Variants in PRKAG2 observed in about 807,000 individuals in gnomAD.
The protein encoded by PRKAG2 is 5'-AMP-activated protein kinase subunit gamma-2.
Under a neutral mutation model 69.6 loss-of-function variants are expected in PRKAG2, and 26 were observed. The ratio of observed to expected loss-of-function variants is 0.37; its 90% CI spans 0.27 to 0.52. PRKAG2 has a LOEUF of 0.52. Ranked by LOEUF, PRKAG2 falls within the 20% of genes least tolerant of loss-of-function variation. The pLI is 0.90. For synonymous variants in PRKAG2, 293 were observed against 285.0 expected, an observed-to-expected ratio of 1.03 and a Z score of -0.28; for missense variants, 557 against 740.0, an observed-to-expected ratio of 0.75 and a Z score of 2.87.
intron 5 of PRKAG2, chr7:151,631,595 T>C (rs986637931): frequency 2.3e-6 from 1 of 443,358 alleles, no homozygotes; most frequent in African/African-American, 2.0e-5. Context: ...TCTTCAGGTT[T>C]TCCTATTTAA....
At chr7:151,736,252 T>A (rs1252905721) in intron 3 of PRKAG2, 1 of 1,331,166 alleles carries the variant, frequency 7.5e-7, no homozygotes, top group Admixed American at 3.1e-5. Context: ...GGGCTGCACC[T>A]CCGGCCACAG....
At chr7:151,608,719 T>C (rs1818080007) in intron 5 of PRKAG2, among the ~76,000 whole-genome samples, 1 of 152,106 alleles carries the variant, frequency 6.6e-6, no homozygotes, top group African/African-American at 2.4e-5. Flanking sequence ...AATCTAGATT[T>C]AATAACCAGT....
chr7:151,582,583 G>A (rs1380971840), intron 6 of PRKAG2, among the ~76,000 whole-genome samples: 2 of 152,236 alleles, frequency 1.3e-5, no homozygotes, highest in East Asian at 3.8e-4. Context: ...GCTCACGGAA[G>A]CACGTGGAGT....
At chr7:151,739,249 C>G (rs145766014) in intron 3 of PRKAG2, among the ~76,000 whole-genome samples, 1 of 152,200 alleles carries the variant, frequency 6.6e-6, no homozygotes, top group East Asian at 1.9e-4. Flanking sequence ...GTGTGCTCTT[C>G]CTGCCTAGGG....
chr7:151,682,420 G>A (rs978732527), intron 3 of PRKAG2, among the ~76,000 whole-genome samples: 1 of 151,964 alleles, frequency 6.6e-6, no homozygotes, highest in Non-Finnish European at 1.5e-5. Flanking sequence ...TTTTATTTTT[G>A]TAGAGATGGC....
At chr7:151,582,323 T>C (rs1810675768) in intron 6 of PRKAG2, among the ~76,000 whole-genome samples, 1 of 152,060 alleles carries the variant, frequency 6.6e-6, no homozygotes, top group Admixed American at 6.5e-5. Context: ...CTTTTTATTT[T>C]GTTATTTTTT....
At position 151,566,202 on chromosome 7, in the gene PRKAG2, A is replaced by C. The variant is rs141541040; in HGVS notation, c.1234-317T>G. ...AAGAACAGGTCTATTTGGGATATTA[A>C]GACCTGTAAGCCACGAAGAATTGAA... On this transcript the variant is annotated intron_variant, in intron 11 of 15. Transcript: ENST00000287878. Among the ~76,000 whole-genome samples, 690 of 152,344 alleles carry C rather than the reference A, an allele frequency of 4.5e-3. 5 individuals carry two copies. The highest frequency in any genetic ancestry group is 0.031 in the Middle Eastern group (9 of 294).
chr7:151,745,419 T>C (rs1182288925), intron 3 of PRKAG2, among the ~76,000 whole-genome samples: 1 of 152,192 alleles, frequency 6.6e-6, no homozygotes, highest in East Asian at 1.9e-4. Flanking sequence ...CTCCACGCCC[T>C]GCCCCAGGAG....
At chr7:151,816,560 G>A (rs1291610049) in intron 1 of PRKAG2, among the ~76,000 whole-genome samples, 1 of 152,190 alleles carries the variant, frequency 6.6e-6, no homozygotes, top group African/African-American at 2.4e-5. Flanking sequence ...CATCAGGACA[G>A]AAATAAGCAT....
chr7:151,668,447 G>T (rs749538639), intron 4 of PRKAG2, among the ~76,000 whole-genome samples: 1 of 152,196 alleles, frequency 6.6e-6, no homozygotes, highest in African/African-American at 2.4e-5. Flanking sequence ...GAAGAGCATA[G>T]AGAATTCAGA....
At chr7:151,804,878 C>A (rs921463562) in intron 1 of PRKAG2, among the ~76,000 whole-genome samples, 3 of 152,170 alleles carry the variant, frequency 2.0e-5, no homozygotes, top group Non-Finnish European at 4.4e-5. Context: ...AAAACCAGAG[C>A]TCCAGGAGTT....
In PRKAG2 at chr7:151,632,020, C is replaced by T. The variant is rs1402586012; in HGVS notation, c.754+49G>A. 8 of 1,245,566 alleles carry T rather than the reference C, an allele frequency of 6.4e-6. No individual in the cohort carries two copies. Among genetic ancestry groups the T allele is most frequent in the Admixed American group, 3.5e-5 (1 of 28,662 alleles). The allele number at this position is 1,245,566 out of a possible 1,614,324, so 77.2% of individuals were successfully genotyped here. On this transcript the variant is annotated intron_variant, in intron 5 of 15. Coordinates refer to ENST00000287878, the MANE Select transcript of PRKAG2 (RefSeq NM_016203.4). The surrounding 1 kb of genome is among the most constrained non-coding windows in gnomAD (Gnocchi z 4.2). ...GTCCCCGCGGGTCCCGGTCCTCGGGCGGCCGGGCCGTGGGAGCGCCGGGCC... is the reference window on the plus strand; with the variant it reads ...GTCCCCGCGGGTCCCGGTCCTCGGGTGGCCGGGCCGTGGGAGCGCCGGGCC...
chr7:151,723,369 G>A (rs1206179460), intron 3 of PRKAG2, among the ~76,000 whole-genome samples: 1 of 152,278 alleles, frequency 6.6e-6, no homozygotes, highest in Non-Finnish European at 1.5e-5. Flanking sequence ...GGACCATGAC[G>A]CATTCGAGCT....
At chr7:151,620,332 T>A (rs1212502065) in intron 5 of PRKAG2, among the ~76,000 whole-genome samples, 1 of 151,674 alleles carries the variant, frequency 6.6e-6, no homozygotes, top group Non-Finnish European at 1.5e-5. Context: ...TTTTTCTTTC[T>A]CTCTCTCATT....
intron 4 of PRKAG2, among the ~76,000 whole-genome samples, chr7:151,663,785 TG>T (rs1392194875): frequency 6.6e-6 from 1 of 152,228 alleles, no homozygotes; most frequent in Non-Finnish European, 1.5e-5. Flanking sequence ...GTTTGTCCCT[TG>T]CCTTTCTGGG....
chr7:151,564,420 T>C, intron 13 of PRKAG2, 196 bp from the exon 14 acceptor site: 1 of 573,634 alleles, frequency 1.7e-6, no homozygotes, highest in South Asian at 1.9e-5. Context: ...TCAATCACAA[T>C]TAAAGATAAC....
chr7:151,747,375 G>A (rs2074346180), intron 3 of PRKAG2, among the ~76,000 whole-genome samples: 1 of 152,184 alleles, frequency 6.6e-6, no homozygotes, highest in Admixed American at 6.5e-5. Context: ...TGGCCAACAT[G>A]GTGAAACTCC....
At chr7:151,675,900 G>A (rs1832867528) in intron 3 of PRKAG2, among the ~76,000 whole-genome samples, 1 of 152,172 alleles carries the variant, frequency 6.6e-6, no homozygotes, top group African/African-American at 2.4e-5. Context: ...TATTCTGAAT[G>A]TTGAGGAAAA....
chr7:151,672,226 C>A (rs1832163219), intron 4 of PRKAG2, among the ~76,000 whole-genome samples: 1 of 152,098 alleles, frequency 6.6e-6, no homozygotes, highest in South Asian at 2.1e-4. Context: ...CTCAGCCTCC[C>A]AAGTAGCTGG....
Sources: allele counts gnomAD v4.1 joint callset (sites outside exome capture counted in the v4.1 genomes callset), GRCh38; gene constraint gnomAD v4.1.1; non-coding constraint Gnocchi (gnomAD v3.1); transcripts MANE v1.5; gene names NCBI Gene and HGNC (gene_info 2026-07-23, HGNC 2026-07-21).